LYPLAL1: variants seen among roughly 807,000 people sequenced by gnomAD.
The protein encoded by LYPLAL1 is lysophospholipase like 1.
LYPLAL1 carries 23 observed loss-of-function variants against 19.7 expected under a neutral mutation model. The ratio of observed to expected loss-of-function variants is 1.17; its 90% CI spans 0.84 to 1.65. LYPLAL1 has a LOEUF of 1.65. Among genes scored for constraint, LYPLAL1 ranks in the 40% most tolerant of loss-of-function variants. The probability of loss-of-function intolerance (pLI) is 0.00; values close to 1 mark genes in which losing one functional copy is unlikely to be tolerated. For missense variants in LYPLAL1, 355 were observed against 279.4 expected (o/e 1.27, Z -1.93); for synonymous variants, 119 against 96.3 (o/e 1.24, Z -1.38).
chr1:219,233,759 G>C, the LYPLAL1 span, among the ~76,000 whole-genome samples: 1 of 112,560 alleles, frequency 8.9e-6, no homozygotes, highest in Admixed American at 1.0e-4. Context: ...GTGACAGAGA[G>C]AGACCCTGTC....
chr1:219,248,516 G>T, the LYPLAL1 span, among the ~76,000 whole-genome samples: 2 of 152,024 alleles, frequency 1.3e-5, no homozygotes, highest in Non-Finnish European at 2.9e-5. Context: ...TTCCAGAAAA[G>T]AAGTTATCAA....
At chr1:219,443,712 A>AATATTGAAGGGTCTAATATTG in the LYPLAL1 span, among the ~76,000 whole-genome samples, 16 of 152,136 alleles carry the variant, frequency 1.1e-4, no homozygotes, top group Middle Eastern at 3.4e-3. Flanking sequence ...AGAAAGACCC[A>AATATTGAAGGGTCTAATATTG]AACACTTCTA....
At chr1:219,290,930 A>G in the LYPLAL1 span, among the ~76,000 whole-genome samples, 1 of 152,196 alleles carries the variant, frequency 6.6e-6, no homozygotes, top group African/African-American at 2.4e-5. Flanking sequence ...AGCACAGTTT[A>G]TGGTCATGGA....
chr1:219,234,502 C>T, the LYPLAL1 span, among the ~76,000 whole-genome samples: 6 of 151,780 alleles, frequency 4.0e-5, no homozygotes, highest in Non-Finnish European at 8.8e-5. Context: ...TATTTATGCA[C>T]AAAAGATAAT....
chr1:219,385,678 A>G, the LYPLAL1 span, among the ~76,000 whole-genome samples: 1 of 152,160 alleles, frequency 6.6e-6, no homozygotes, highest in African/African-American at 2.4e-5. Flanking sequence ...TGCAAGCTTT[A>G]AAAAGAAGGG....
the LYPLAL1 span, among the ~76,000 whole-genome samples, chr1:219,241,098 A>ATCTCTCTC: frequency 4.5e-3 from 267 of 58,978 alleles, 2 homozygotes; most frequent in East Asian, 7.9e-3. Context: ...AATATATATA[A>ATCTCTCTC]TCTCTCTCTC....
At chr1:219,216,689 C>T (rs1309578761), downstream of LYPLAL1, among the ~76,000 whole-genome samples, 8 of 152,038 alleles carry the variant, frequency 5.3e-5, no homozygotes, top group South Asian at 4.1e-4. Flanking sequence ...GCGGGGGCAC[C>T]TCTGCAGATC....
At chr1:219,385,645 T>A in the LYPLAL1 span, among the ~76,000 whole-genome samples, 1 of 152,108 alleles carries the variant, frequency 6.6e-6, no homozygotes, top group Non-Finnish European at 1.5e-5. Context: ...TATTCTGCAT[T>A]AGTTTAATTT....
At chr1:219,181,159 TAA>T (rs1656243866) in intron 2 of LYPLAL1, among the ~76,000 whole-genome samples, 2 of 152,238 alleles carry the variant, frequency 1.3e-5, no homozygotes, top group Non-Finnish European at 2.9e-5. Context: ...ATAAAATTAT[TAA>T]AGTGATATTT....
chr1:219,312,262 G>A, the LYPLAL1 span, among the ~76,000 whole-genome samples: 5 of 152,266 alleles, frequency 3.3e-5, no homozygotes, highest in East Asian at 9.7e-4. Flanking sequence ...GGGCTGTAGA[G>A]GAATGAGTGA....
the LYPLAL1 span, among the ~76,000 whole-genome samples, chr1:219,341,082 C>G: frequency 6.6e-6 from 1 of 152,028 alleles, no homozygotes; most frequent in Non-Finnish European, 1.5e-5. Context: ...TCTACCCATT[C>G]AAATTGAATA....
chr1:219,326,712 G>C, the LYPLAL1 span, among the ~76,000 whole-genome samples: 9 of 152,290 alleles, frequency 5.9e-5, no homozygotes, highest in African/African-American at 2.2e-4. Flanking sequence ...GCTAAAGAAA[G>C]AGGAGCCTTT....
chr1:219,347,196 T>C, the LYPLAL1 span, among the ~76,000 whole-genome samples: 1 of 152,238 alleles, frequency 6.6e-6, no homozygotes, highest in Non-Finnish European at 1.5e-5. Flanking sequence ...TTCCTTTCTC[T>C]TATCCTTATT....
the LYPLAL1 span, among the ~76,000 whole-genome samples, chr1:219,361,910 C>A: frequency 1.3e-5 from 2 of 151,972 alleles, no homozygotes; most frequent in African/African-American, 2.4e-5. Flanking sequence ...AAGATCATAC[C>A]CTTCTAAAAC....
chr1:219,229,346 G>C, the LYPLAL1 span, among the ~76,000 whole-genome samples: 1 of 142,770 alleles, frequency 7.0e-6, no homozygotes, highest in African/African-American at 2.8e-5. Context: ...AGACACGCAG[G>C]CTACCGAACA....
chr1:219,289,232 T>C, the LYPLAL1 span, among the ~76,000 whole-genome samples: 3 of 152,150 alleles, frequency 2.0e-5, no homozygotes, highest in African/African-American at 2.4e-5. Flanking sequence ...CTATGCTTAA[T>C]GCCGAAACCT....
chr1:219,383,091 T>C, the LYPLAL1 span, among the ~76,000 whole-genome samples: 13 of 152,210 alleles, frequency 8.5e-5, no homozygotes, highest in East Asian at 2.3e-3. Flanking sequence ...AAAACAACAA[T>C]AGCTGCTCAC....
At chr1:219,395,297 A>G in the LYPLAL1 span, among the ~76,000 whole-genome samples, 1 of 152,142 alleles carries the variant, frequency 6.6e-6, no homozygotes, top group East Asian at 1.9e-4. Flanking sequence ...TTATGTTTTT[A>G]CTTTTTTCAA....
At chr1:219,248,567 A>G in the LYPLAL1 span, among the ~76,000 whole-genome samples, 2 of 152,130 alleles carry the variant, frequency 1.3e-5, no homozygotes, top group African/African-American at 4.8e-5. Context: ...TGAAAATTTA[A>G]TTATGAAAGT....
Sources: allele counts gnomAD v4.1 joint callset (sites outside exome capture counted in the v4.1 genomes callset), GRCh38; gene constraint gnomAD v4.1.1; transcripts MANE v1.5; gene names NCBI Gene and HGNC (gene_info 2026-07-23, HGNC 2026-07-21).